Variants in FHIT observed in about 807,000 individuals in gnomAD.
FHIT encodes fragile histidine triad diadenosine triphosphatase.
Under a neutral mutation model 17.9 loss-of-function variants are expected in FHIT, and 19 were observed. That is an observed-to-expected ratio of 1.06 (90% CI 0.74 to 1.56). The LOEUF (loss-of-function observed/expected upper bound fraction) is 1.56, where lower values mean the gene tolerates loss of function less well. Ranked by LOEUF, FHIT falls within the 40% of genes most tolerant of loss-of-function variation. The pLI, the probability that FHIT is intolerant of heterozygous loss-of-function variation, is 0.00. For missense variants in FHIT, 248 were observed against 189.2 expected (o/e 1.31, Z -1.82); for synonymous variants, 81 against 69.7 (o/e 1.16, Z -0.81).
intron 1 of FHIT, among the ~76,000 whole-genome samples, chr3:61,239,164 C>T (rs1266415095): frequency 6.6e-6 from 1 of 152,114 alleles, no homozygotes; most frequent in African/African-American, 2.4e-5. Context: ...GAGGTCTAGA[C>T]AGCAAACAGC....
At chr3:60,487,828 A>T (rs1282831583) in intron 5 of FHIT, among the ~76,000 whole-genome samples, 1 of 152,146 alleles carries the variant, frequency 6.6e-6, no homozygotes, top group Non-Finnish European at 1.5e-5. Flanking sequence ...CTTTCCTCCT[A>T]ATTCCGTCTA....
intron 7 of FHIT, among the ~76,000 whole-genome samples, chr3:60,006,806 C>T (rs1699944073): frequency 1.3e-5 from 2 of 152,090 alleles, no homozygotes; most frequent in Admixed American, 1.3e-4. Context: ...ATAAAATGTC[C>T]TCATTTTCAT....
At chr3:60,080,109 A>G (rs896609197) in intron 5 of FHIT, among the ~76,000 whole-genome samples, 2 of 152,324 alleles carry the variant, frequency 1.3e-5, no homozygotes, top group African/African-American at 4.8e-5. Flanking sequence ...ATTACTTGAC[A>G]GTCAAAATGT....
intron 7 of FHIT, among the ~76,000 whole-genome samples, chr3:59,937,214 G>A (rs751593995): frequency 3.4e-4 from 51 of 152,234 alleles, no homozygotes; most frequent in Non-Finnish European, 6.9e-4. Context: ...AAAAGCAGGT[G>A]CTTTTAAAAA....
chr3:60,201,640 G>T (rs542274672), intron 5 of FHIT, among the ~76,000 whole-genome samples: 1 of 152,168 alleles, frequency 6.6e-6, no homozygotes, highest in East Asian at 1.9e-4. Flanking sequence ...ACCACCTATT[G>T]CAGTACTGAA....
At chr3:60,382,413 A>T (rs1028396122) in intron 5 of FHIT, among the ~76,000 whole-genome samples, 10 of 152,276 alleles carry the variant, frequency 6.6e-5, no homozygotes, top group Admixed American at 6.5e-5. Context: ...TTCTTCAGGC[A>T]TACAGAGTTA....
intron 5 of FHIT, among the ~76,000 whole-genome samples, chr3:60,477,586 T>A (rs59490911): frequency 0.036 from 5,547 of 152,316 alleles, 318 homozygotes; most frequent in African/African-American, 0.12. Context: ...AGTTTCATAT[T>A]AATGTCTGCA....
chr3:60,766,641 G>T (rs925492132), intron 4 of FHIT, among the ~76,000 whole-genome samples: 5 of 120,722 alleles, frequency 4.1e-5, no homozygotes, highest in Non-Finnish European at 8.3e-5. Context: ...ACTTTAACAT[G>T]GGAGCCTTTT....
intron 5 of FHIT, among the ~76,000 whole-genome samples, chr3:60,314,696 G>A (rs1351482474): frequency 6.6e-6 from 1 of 152,068 alleles, no homozygotes; most frequent in Non-Finnish European, 1.5e-5. Context: ...AATAAAAATG[G>A]CCACAAAATC....
At chr3:60,678,444 T>C (rs4402886) in intron 4 of FHIT, among the ~76,000 whole-genome samples, 8,969 of 152,238 alleles carry the variant, frequency 0.059, 357 homozygotes, top group African/African-American at 0.11. Flanking sequence ...GAAACACTTA[T>C]TGAAGATTCA....
chr3:60,743,913 C>G (rs1314790712), intron 4 of FHIT, among the ~76,000 whole-genome samples: 1 of 152,292 alleles, frequency 6.6e-6, no homozygotes, highest in African/African-American at 2.4e-5. Context: ...GAGGAGAATT[C>G]TGATTCCAAC....
rs1380417630 is a variant in FHIT at position 61,216,811 on chromosome 3, T to G, written c.-212-16146A>C. Among the ~76,000 whole-genome samples the G allele has an allele frequency of 4.6e-5, 7 of 151,990 alleles. No individual in the cohort carries two copies. In the South Asian group the frequency reaches 8.4e-4, roughly 18 times the overall value. Reference sequence around the variant, plus strand: ...CATATATACCATGGAATACTATGCATCCATAAAAAATGATGAGTTCATGTC... The same window carrying G: ...CATATATACCATGGAATACTATGCAGCCATAAAAAATGATGAGTTCATGTC... On this transcript the variant is annotated intron_variant, in intron 1 of 9. Coordinates refer to ENST00000492590, the MANE Select transcript of FHIT (RefSeq NM_002012.4).
At chr3:60,192,456 C>A (rs1702446301) in intron 5 of FHIT, among the ~76,000 whole-genome samples, 1 of 152,056 alleles carries the variant, frequency 6.6e-6, no homozygotes, top group Non-Finnish European at 1.5e-5. Context: ...TCCCTACCTC[C>A]CAAATGGCTG....
chr3:61,178,562 G>C (rs2038227787), intron 2 of FHIT, among the ~76,000 whole-genome samples: 2 of 1,000 alleles, frequency 2.0e-3, no homozygotes, highest in Non-Finnish European at 2.7e-3. Context: ...TGTAATTATA[G>C]GTTAATTCAC....
At chr3:60,958,424 A>C (rs1260821325) in intron 3 of FHIT, among the ~76,000 whole-genome samples, 2 of 152,218 alleles carry the variant, frequency 1.3e-5, no homozygotes, top group East Asian at 3.8e-4. Context: ...AGCAAGAATT[A>C]ATTTTTAAAT....
At chr3:61,082,164 T>A (rs1344155122) in intron 2 of FHIT, among the ~76,000 whole-genome samples, 1 of 152,058 alleles carries the variant, frequency 6.6e-6, no homozygotes, top group Non-Finnish European at 1.5e-5. Flanking sequence ...AGGGCACACA[T>A]ACCCACTTAA....
chr3:60,449,840 T>C (rs2031602386), intron 5 of FHIT, among the ~76,000 whole-genome samples: 1 of 151,616 alleles, frequency 6.6e-6, no homozygotes, highest in Admixed American at 6.6e-5. Context: ...CCATCTCTAC[T>C]AAAAATACGA....
chr3:60,451,131 T>C (rs1489438125), intron 5 of FHIT, among the ~76,000 whole-genome samples: 1 of 151,862 alleles, frequency 6.6e-6, no homozygotes, highest in Non-Finnish European at 1.5e-5. Flanking sequence ...AATATGTTTT[T>C]CTTACTACTT....
intron 8 of FHIT, 51 bp from the exon 9 acceptor site, chr3:59,752,372 C>T (rs187422468): frequency 5.5e-6 from 8 of 1,462,612 alleles, no homozygotes; most frequent in Middle Eastern, 1.8e-4. Context: ...TTGGGATCTC[C>T]TTGAACAAAT....
Sources: gnomAD v4.1 joint callset for allele counts (sites outside exome capture counted in the v4.1 genomes callset) on GRCh38, gnomAD v4.1.1 for gene constraint, MANE v1.5 for transcripts, NCBI Gene and HGNC (gene_info 2026-07-23, HGNC 2026-07-21) for gene names.